Variants in THSD7A observed in about 807,000 individuals in gnomAD.
The protein encoded by THSD7A is thrombospondin type 1 domain containing 7A.
In THSD7A, 96 loss-of-function variants were observed where a neutral mutation model predicts 231.3. The observed-to-expected ratio is 0.41, with a 90% CI of 0.35 to 0.49. The LOEUF (loss-of-function observed/expected upper bound fraction) is 0.49. Ranked by LOEUF, THSD7A falls within the 20% of genes least tolerant of loss-of-function variation. The pLI is 0.05. For missense variants in THSD7A, 2,290 were observed against 2,070.2 expected, an observed-to-expected ratio of 1.11 and a Z score of -2.06; for synonymous variants, 940 against 743.3, an observed-to-expected ratio of 1.26 and a Z score of -4.30.
At chr7:11,618,796 GAA>G (rs887296938) in intron 2 of THSD7A, among the ~76,000 whole-genome samples, 1 of 108,752 alleles carries the variant, frequency 9.2e-6, no homozygotes. Flanking sequence ...GACTCAAAAA[GAA>G]AAAAAAAAAA....
intron 13 of THSD7A, among the ~76,000 whole-genome samples, chr7:11,434,759 A>T (rs1003107478): frequency 2.0e-5 from 3 of 151,138 alleles, no homozygotes; most frequent in African/African-American, 7.3e-5. Flanking sequence ...GGCTGGAAAA[A>T]GTTGAAAAAA....
intron 1 of THSD7A, among the ~76,000 whole-genome samples, chr7:11,755,569 G>A (rs74743730): frequency 0.049 from 7,506 of 152,038 alleles, 210 homozygotes; most frequent in East Asian, 0.14. Flanking sequence ...AGGAAAGATC[G>A]GGTAGAAAGA....
chr7:11,774,582 C>A (rs558120595), intron 1 of THSD7A, among the ~76,000 whole-genome samples: 3 of 151,926 alleles, frequency 2.0e-5, no homozygotes, highest in Non-Finnish European at 4.4e-5. Context: ...TAATTGTAGT[C>A]TTGGTATAAC....
intron 6 of THSD7A, among the ~76,000 whole-genome samples, chr7:11,501,028 A>T (rs1787314853): frequency 6.6e-6 from 1 of 151,902 alleles, no homozygotes; most frequent in African/African-American, 2.4e-5. Flanking sequence ...AAAAAAAGAC[A>T]AGGAAGGGCA....
At chr7:11,659,628 G>A (rs907703150) in intron 1 of THSD7A, among the ~76,000 whole-genome samples, 1 of 151,378 alleles carries the variant, frequency 6.6e-6, no homozygotes, top group African/African-American at 2.4e-5. Context: ...CTAGTGCCTT[G>A]AAGGTGGGTA....
At chr7:11,805,671 TTAATGTAAAAGAAATACGTGA>T (rs1321061641) in intron 1 of THSD7A, among the ~76,000 whole-genome samples, 2 of 152,100 alleles carry the variant, frequency 1.3e-5, no homozygotes, top group South Asian at 4.1e-4. Flanking sequence ...CTAGTATCTT[TTAATGTAAAAGAAATACGTGA>T]TTTCAACTTT....
At chr7:11,487,262 A>G (rs1414102002) in intron 6 of THSD7A, among the ~76,000 whole-genome samples, 1 of 152,148 alleles carries the variant, frequency 6.6e-6, no homozygotes, top group South Asian at 2.1e-4. Flanking sequence ...TCTGCTCAAG[A>G]TAATTACTAT....
chr7:11,799,990 T>G (rs963304846), intron 1 of THSD7A, among the ~76,000 whole-genome samples: 15 of 152,296 alleles, frequency 9.8e-5, no homozygotes, highest in South Asian at 2.1e-4. Flanking sequence ...GCTCTTCTGT[T>G]CTTTCTTTGA....
chr7:11,543,799 G>C (rs1044074914), intron 4 of THSD7A, among the ~76,000 whole-genome samples: 1 of 150,336 alleles, frequency 6.7e-6, no homozygotes, highest in Non-Finnish European at 1.5e-5. Context: ...GATAAATGTT[G>C]CTTGTCCTTG....
intron 6 of THSD7A, among the ~76,000 whole-genome samples, chr7:11,483,899 C>T (rs1280040296): frequency 2.0e-5 from 3 of 152,094 alleles, no homozygotes; most frequent in African/African-American, 7.2e-5. Flanking sequence ...TACAAGGGTG[C>T]CATTAGATTA....
At chr7:11,576,590 C>T (rs1199651523) in intron 4 of THSD7A, among the ~76,000 whole-genome samples, 1 of 152,178 alleles carries the variant, frequency 6.6e-6, no homozygotes, top group Admixed American at 6.5e-5. Flanking sequence ...TGATATAATA[C>T]ATCAAAGGTA....
At chr7:11,765,990 A>C (rs1338912891) in intron 1 of THSD7A, among the ~76,000 whole-genome samples, 1 of 152,202 alleles carries the variant, frequency 6.6e-6, no homozygotes, top group Non-Finnish European at 1.5e-5. Context: ...GGCAAAACAT[A>C]TTCTCACCTT....
Position 11,794,501 on chromosome 7 carries a change from T to TC in THSD7A, c.190+37255dup, listed in dbSNP as rs557126041. On this transcript the variant is annotated intron_variant, in intron 1 of 27. Coordinates refer to ENST00000423059, the MANE Select transcript of THSD7A (RefSeq NM_015204.3). ...TTTTCTACACATCGACTTCCTTCTC[T>TC]CCCCCCTGCCTCTTTTGTATCAGGC... is the stretch of plus-strand genomic sequence containing the variant. Among the ~76,000 whole-genome samples the TC allele has an allele frequency of 9.0e-4, 137 of 151,990 alleles. 1 individual carries two copies. Among genetic ancestry groups the TC allele is most frequent in the Non-Finnish European group, 1.4e-3 (92 of 67,884 alleles).
chr7:11,663,099 CAA>C (rs556950483), intron 1 of THSD7A, among the ~76,000 whole-genome samples: 87 of 151,052 alleles, frequency 5.8e-4, no homozygotes, highest in African/African-American at 2.1e-3. Flanking sequence ...AAATATACAA[CAA>C]AGTTACTATT....
intron 6 of THSD7A, among the ~76,000 whole-genome samples, chr7:11,506,173 A>G (rs1787536372): frequency 6.6e-6 from 1 of 152,078 alleles, no homozygotes; most frequent in African/African-American, 2.4e-5. Context: ...TTGTATTTTT[A>G]GCAGAGATGG....
chr7:11,792,836 G>C (rs1378897018), intron 1 of THSD7A, among the ~76,000 whole-genome samples: 1 of 151,866 alleles, frequency 6.6e-6, no homozygotes, highest in African/African-American at 2.4e-5. Context: ...TTGCAGCACA[G>C]AAGGAGCCAT....
intron 1 of THSD7A, among the ~76,000 whole-genome samples, chr7:11,711,117 A>G (rs982076411): frequency 4.0e-5 from 6 of 150,972 alleles, no homozygotes; most frequent in African/African-American, 1.5e-4. Context: ...ACCACTAAAA[A>G]GTACTGGGAA....
rs750540967 is a variant in THSD7A, at chr7:11,406,282, C to A, written c.4237+18G>T. The A allele has an allele frequency of 6.3e-7, 1 of 1,590,368 alleles. No individual in the cohort carries two copies. The highest frequency in any genetic ancestry group is 2.2e-5 in the East Asian group (1 of 44,702). ...GGAAAAAATAATCAGAATATGAATT[C>A]TCCTTTGCCGTTGTTACCTGGGCAA... On this transcript the variant is annotated intron_variant, in intron 22 of 27. Transcript: ENST00000423059. This position sits in a 1 kb window ranked among gnomAD's most constrained non-coding sequence, Gnocchi z 4.7.
rs1253609951 is a variant in THSD7A at position 11,814,988 on chromosome 7, G to A, written c.190+16769C>T. Among the ~76,000 whole-genome samples the A allele has an allele frequency of 6.6e-6, 1 of 151,920 alleles. No homozygotes were observed. The highest frequency in any genetic ancestry group is 2.4e-5 in the African/African-American group (1 of 41,370). On this transcript the variant is annotated intron_variant, in intron 1 of 27. Coordinates refer to ENST00000423059, the MANE Select transcript of THSD7A (RefSeq NM_015204.3). The surrounding 1 kb of genome is among the most constrained non-coding windows in gnomAD (Gnocchi z 5.1). ...GGGAACAAATGAAGCACAGTGCATA[G>A]AGAAATGTTGATGTTGGCTGGAAAC...
Sources: gnomAD v4.1 joint callset for allele counts (sites outside exome capture counted in the v4.1 genomes callset) on GRCh38, gnomAD v4.1.1 for gene constraint, Gnocchi (gnomAD v3.1) non-coding constraint, MANE v1.5 for transcripts, NCBI Gene and HGNC (gene_info 2026-07-23, HGNC 2026-07-21) for gene names.